Variants in ARHGAP35 observed in about 807,000 individuals in gnomAD.
ARHGAP35 encodes rho GTPase-activating protein 35.
ARHGAP35 carries 15 observed loss-of-function variants against 111.1 expected under a neutral mutation model. That is an observed-to-expected ratio of 0.13 (90% CI 0.09 to 0.21). The LOEUF is 0.21. Ranked by LOEUF, ARHGAP35 falls within the 10% of genes least tolerant of loss-of-function variation. The pLI, the probability that ARHGAP35 is intolerant of heterozygous loss-of-function variation, is 1.00. For missense variants in ARHGAP35, 1,262 were observed against 1,873.0 expected (o/e 0.67, Z 6.02); for synonymous variants, 643 against 710.3 (o/e 0.91, Z 1.51).
At chr19:46,904,778 C>G (rs1322059020) in intron 1 of ARHGAP35, among the ~76,000 whole-genome samples, 2 of 152,172 alleles carry the variant, frequency 1.3e-5, no homozygotes, top group African/African-American at 4.8e-5. Flanking sequence ...TTCTCCAGCC[C>G]GGTCCTGACC....
chr19:46,867,711 C>T (rs2122855000), intron 1 of ARHGAP35, among the ~76,000 whole-genome samples: 1 of 152,152 alleles, frequency 6.6e-6, no homozygotes, highest in Admixed American at 6.5e-5. Flanking sequence ...ACTTGGTAGG[C>T]CCCCATTGTG....
intron 3 of ARHGAP35, among the ~76,000 whole-genome samples, chr19:46,969,864 AC>A (rs888965405): frequency 1.5e-4 from 22 of 151,610 alleles, no homozygotes; most frequent in Admixed American, 5.9e-4. Context: ...TTCTGTGAAT[AC>A]CCCCCTCCCA....
chr19:46,869,082 A>G (rs1355619770), intron 1 of ARHGAP35, among the ~76,000 whole-genome samples: 1 of 150,992 alleles, frequency 6.6e-6, no homozygotes, highest in Non-Finnish European at 1.5e-5. Flanking sequence ...GTTTTTTTGT[A>G]TTTTTAGCAG....
chr19:46,989,685 G>C lies in ARHGAP35; in HGVS notation c.4036+10G>C. The C allele has an allele frequency of 6.2e-7, 1 of 1,613,564 alleles. No individual in the cohort carries two copies. The highest frequency in any genetic ancestry group is 1.1e-5 in the South Asian group (1 of 91,048). ...TTGGTGGAAGCACACAGTGAGTACC[G>C]GCAGCCCAGTGTTGGGCGGATTGAG... is the stretch of plus-strand genomic sequence containing the variant. On this transcript the variant is annotated intron_variant, in intron 5 of 6. Coordinates refer to ENST00000672722, the MANE Select transcript of ARHGAP35 (RefSeq NM_004491.5). This position sits in a 1 kb window ranked among gnomAD's most constrained non-coding sequence, Gnocchi z 5.3.
Position 46,993,493 on chromosome 19 carries a change from TGG to T in ARHGAP35, c.4036+3819_4036+3820del, listed in dbSNP as rs1390023412. ...TCTCTGCCGCCACTTTGTTTGACCT[TGG>T]ACCGGTATTCTGGCTTTGTGAGGCC... On this transcript the variant is annotated intron_variant, in intron 5 of 6. Transcript: ENST00000672722. The surrounding 1 kb of genome is among the most constrained non-coding windows in gnomAD (Gnocchi z 4.6). Among the ~76,000 whole-genome samples, 1 of 152,222 alleles carries T rather than the reference TGG, an allele frequency of 6.6e-6. No individual in the cohort carries two copies. Among genetic ancestry groups the T allele is most frequent in the African/African-American group, 2.4e-5 (1 of 41,450 alleles).
intron 1 of ARHGAP35, among the ~76,000 whole-genome samples, chr19:46,870,805 T>C (rs2055883624): frequency 6.6e-6 from 1 of 152,152 alleles, no homozygotes; most frequent in Admixed American, 6.5e-5. Context: ...ACAAGGTGTA[T>C]ATATTTTCTT....
rs772578396 is a variant in ARHGAP35, at chr19:46,921,580, A to C, written c.2905A>C (p.Asn969His). ...CTGTAGCACCACCGAAGAGGTGTTT[A>C]ACTCCCCCCGGGCAGGATCACCGCT... The part of the protein sequence containing the change: ...EACSTTEEVF[N>H]SPRAGSPLCN... The change falls in exon 2 of 7, where the codon AAC (asparagine) becomes CAC (histidine). Residue 969 changes from asparagine (N) to histidine (H), a missense_variant. Around this residue, in one of 8 missense-constraint regions of ARHGAP35, gnomAD observed 579 missense variants for 716.9 expected, o/e 0.81. Coordinates refer to ENST00000672722, the MANE Select transcript of ARHGAP35 (RefSeq NM_004491.5). This position sits in a 1 kb window ranked among gnomAD's most constrained non-coding sequence, Gnocchi z 4.3. The C allele has an allele frequency of 5.0e-6, 8 of 1,613,956 alleles. No individual in the cohort carries two copies. The highest frequency in any genetic ancestry group is 1.7e-5 in the Admixed American group (1 of 60,020).
chr19:46,964,658 C>T (rs1450007881), intron 3 of ARHGAP35, among the ~76,000 whole-genome samples: 1 of 152,134 alleles, frequency 6.6e-6, no homozygotes, highest in Non-Finnish European at 1.5e-5. Flanking sequence ...TCAGCTGACC[C>T]TCTGAATGTG....
At chr19:46,887,481 C>T (rs910625774) in intron 1 of ARHGAP35, among the ~76,000 whole-genome samples, 4 of 152,144 alleles carry the variant, frequency 2.6e-5, no homozygotes, top group Admixed American at 2.6e-4. Flanking sequence ...GTAACATCTG[C>T]AGCTTTTTTG....
intron 1 of ARHGAP35, among the ~76,000 whole-genome samples, chr19:46,868,263 C>G (rs2055869078): frequency 6.6e-6 from 1 of 152,168 alleles, no homozygotes; most frequent in South Asian, 2.1e-4. Flanking sequence ...GTGAAGAATC[C>G]AGATCTGTCT....
intron 3 of ARHGAP35, among the ~76,000 whole-genome samples, chr19:46,963,713 A>G (rs892961801): frequency 3.3e-5 from 5 of 152,206 alleles, no homozygotes; most frequent in Non-Finnish European, 7.3e-5. Flanking sequence ...AGAGGACACG[A>G]CAGTGCTGTT....
rs1397873811 is a variant in ARHGAP35, at chr19:46,922,368, G to A, written c.3681+12G>A. On this transcript the variant is annotated intron_variant, in intron 2 of 6. Coordinates refer to ENST00000672722, the MANE Select transcript of ARHGAP35 (RefSeq NM_004491.5). This position sits in a 1 kb window ranked among gnomAD's most constrained non-coding sequence, Gnocchi z 4.0. ...GGAGGAACACTAAGGTAAGACACCA[G>A]TCTAGGATTAGTCATAGTGTTTTGT... is the stretch of plus-strand genomic sequence containing the variant. 1 of 1,563,324 alleles carries A rather than the reference G, an allele frequency of 6.4e-7. No homozygotes were observed. Among genetic ancestry groups the A allele is most frequent in the Admixed American group, 1.9e-5 (1 of 52,812 alleles).
intron 2 of ARHGAP35, among the ~76,000 whole-genome samples, chr19:46,935,469 G>A (rs1181215015): frequency 6.6e-6 from 1 of 152,074 alleles, no homozygotes; most frequent in Non-Finnish European, 1.5e-5. Context: ...AGTTCTCAAC[G>A]AATCTCAGAC....
chr19:46,920,504 G>T lies in ARHGAP35; in HGVS notation c.1829G>T (p.Arg610Leu). The change falls in exon 2 of 7, where the codon CGA becomes CTA. Residue 610 changes from arginine (R) to leucine (L), a missense_variant. By Grantham distance (102) the Arg-to-Leu change is moderately radical. Coordinates refer to ENST00000672722, the MANE Select transcript of ARHGAP35 (RefSeq NM_004491.5). This position sits in a 1 kb window ranked among gnomAD's most constrained non-coding sequence, Gnocchi z 7.0. ...ATATTGGGCAAAGACGGCCTTGCCC[G>T]AGAGTTGGCCAATGAGATTCGAGCT... ...LVILGKDGLA[R>L]ELANEIRALC... 1 of 1,613,984 alleles carries T rather than the reference G, an allele frequency of 6.2e-7. No individual in the cohort carries two copies. The highest frequency in any genetic ancestry group is 1.1e-5 in the South Asian group (1 of 91,080).
intron 1 of ARHGAP35, among the ~76,000 whole-genome samples, chr19:46,876,408 CTG>C (rs767611305): frequency 4.0e-5 from 6 of 151,664 alleles, no homozygotes; most frequent in Non-Finnish European, 7.4e-5. Context: ...GAGTCTCACT[CTG>C]TTGCCCAGGC....
intron 1 of ARHGAP35, among the ~76,000 whole-genome samples, chr19:46,867,954 C>A (rs2055867618): frequency 6.6e-6 from 1 of 152,204 alleles, no homozygotes; most frequent in African/African-American, 2.4e-5. Context: ...ACAAAGTCCG[C>A]CTCCTGGATT....
chr19:46,970,057 T>A lies in ARHGAP35; in HGVS notation c.3827-17932T>A, dbSNP rs143886397. 9.6e-3 allele frequency among the ~76,000 whole-genome samples: 1,463 copies of A among 152,266 alleles called. 21 individuals carry two copies. The highest frequency in any genetic ancestry group is 0.032 in the African/African-American group (1,334 of 41,542). Reference sequence around the variant, plus strand: ...CTGTGACCCATAGTAGGCACTCGGGTATCTATTGAAGGAATTAGTGAATTT... The same window carrying A: ...CTGTGACCCATAGTAGGCACTCGGGAATCTATTGAAGGAATTAGTGAATTT... On this transcript the variant is annotated intron_variant, in intron 3 of 6. Transcript: ENST00000672722.
rs185820645 is a variant in ARHGAP35, at chr19:47,000,604, G to T, written c.4416G>T (p.Ser1472=). The part of the protein sequence containing the change: ...LTSTPVTSQP[S]PPQSPPPTPQ... Reference sequence around the variant, plus strand: ...CCACGCCTGTCACAAGTCAGCCGTCGCCCCCACAGTCGCCTCCACCCACCC... The same window carrying T: ...CCACGCCTGTCACAAGTCAGCCGTCTCCCCCACAGTCGCCTCCACCCACCC... The change falls in exon 7 of 7, where the codon TCG becomes TCT. Residue 1472 remains serine (S), a synonymous_variant. Coordinates refer to ENST00000672722, the MANE Select transcript of ARHGAP35 (RefSeq NM_004491.5). This position sits in a 1 kb window ranked among gnomAD's most constrained non-coding sequence, Gnocchi z 6.9. The T allele has an allele frequency of 6.2e-7, 1 of 1,611,788 alleles. No homozygotes were observed. The highest frequency in any genetic ancestry group is 1.7e-5 in the Admixed American group (1 of 59,832).
intron 1 of ARHGAP35, among the ~76,000 whole-genome samples, chr19:46,906,131 A>G (rs995822924): frequency 6.6e-6 from 1 of 151,998 alleles, no homozygotes; most frequent in Non-Finnish European, 1.5e-5. Flanking sequence ...AGCCTAGGCT[A>G]CATAGTGAGA....
Sources: gnomAD v4.1 joint callset for allele counts (sites outside exome capture counted in the v4.1 genomes callset) on GRCh38, gnomAD v4.1.1 for gene constraint, gnomAD v4.1.1 regional missense constraint, Gnocchi (gnomAD v3.1) non-coding constraint, MANE v1.5 for transcripts, NCBI Gene and HGNC (gene_info 2026-07-23, HGNC 2026-07-21) for gene names.